B3GALT1: variants seen among roughly 807,000 people sequenced by gnomAD.
B3GALT1 encodes the protein UDP-Gal:betaGlcNAc beta 1,3-galactosyltransferase, polypeptide 1.
A neutral mutation model predicts 23.2 loss-of-function variants in B3GALT1; 10 were observed. The ratio of observed to expected loss-of-function variants is 0.43; its 90% CI spans 0.27 to 0.73. The LOEUF (loss-of-function observed/expected upper bound fraction) is 0.73. B3GALT1 is among the 30% of genes least tolerant of loss of function. The pLI is 0.21. For synonymous variants in B3GALT1, 156 were observed against 141.5 expected (o/e 1.10, Z -0.73); for missense variants, 299 against 405.4 (o/e 0.74, Z 2.25).
At chr2:167,789,936 T>C (rs758400395) in intron 3 of B3GALT1, among the ~76,000 whole-genome samples, 1 of 152,180 alleles carries the variant, frequency 6.6e-6, no homozygotes, top group Non-Finnish European at 1.5e-5. Flanking sequence ...CTTGTCCTTA[T>C]TCTTTTATTC....
At chr2:167,577,022 C>A (rs764780123) in intron 2 of B3GALT1, among the ~76,000 whole-genome samples, 17 of 151,744 alleles carry the variant, frequency 1.1e-4, no homozygotes, top group Non-Finnish European at 2.4e-4. Flanking sequence ...CTAGGACTTT[C>A]ATCACATCAT....
chr2:167,337,613 C>T (rs1249160570), intron 1 of B3GALT1, among the ~76,000 whole-genome samples: 1 of 151,876 alleles, frequency 6.6e-6, no homozygotes, highest in Non-Finnish European at 1.5e-5. Context: ...AAAGAATGCA[C>T]CTTTAGTTTC....
At chr2:167,811,150 TAATGA>T (rs1396786876) in intron 3 of B3GALT1, among the ~76,000 whole-genome samples, 2 of 152,230 alleles carry the variant, frequency 1.3e-5, no homozygotes, top group African/African-American at 2.4e-5. Flanking sequence ...CACCTAATTG[TAATGA>T]AAATTGTAAG....
At chr2:167,745,443 A>G (rs1459892687) in intron 3 of B3GALT1, among the ~76,000 whole-genome samples, 1 of 152,154 alleles carries the variant, frequency 6.6e-6, no homozygotes, top group African/African-American at 2.4e-5. Flanking sequence ...TTTTCCTTCT[A>G]TGAAGTATAT....
intron 1 of B3GALT1, among the ~76,000 whole-genome samples, chr2:167,448,754 A>G (rs1056394034): frequency 1.3e-5 from 2 of 152,112 alleles, no homozygotes; most frequent in Non-Finnish European, 2.9e-5. Flanking sequence ...TAAGTCCTTC[A>G]TTCATTTTGA....
intron 3 of B3GALT1, among the ~76,000 whole-genome samples, chr2:167,769,338 C>A (rs1688032246): frequency 1.3e-5 from 2 of 152,158 alleles, no homozygotes; most frequent in Non-Finnish European, 2.9e-5. Context: ...CAAAGCTAAC[C>A]AAGGAAGTCT....
chr2:167,558,122 G>C (rs939359213), intron 2 of B3GALT1: 1 of 152,088 alleles, frequency 6.6e-6, no homozygotes, highest in East Asian at 1.9e-4. Context: ...CATTGTTTTT[G>C]TCTTATCTCT....
intron 1 of B3GALT1, among the ~76,000 whole-genome samples, chr2:167,484,830 G>A (rs1442902794): frequency 6.6e-6 from 1 of 152,154 alleles, no homozygotes; most frequent in Non-Finnish European, 1.5e-5. Context: ...TCCCTCACAA[G>A]AGACAACTTT....
intron 1 of B3GALT1, among the ~76,000 whole-genome samples, chr2:167,460,702 A>G (rs1699246864): frequency 6.6e-6 from 1 of 151,946 alleles, no homozygotes; most frequent in Non-Finnish European, 1.5e-5. Context: ...GAACATTTGA[A>G]TCTAATAATG....
Position 167,486,024 on chromosome 2 carries a change from T to C in B3GALT1, c.-510-4153T>C, listed in dbSNP as rs1053926713. Among the ~76,000 whole-genome samples, 7 of 152,276 alleles carry C rather than the reference T, an allele frequency of 4.6e-5. No individual in the cohort carries two copies. The East Asian group carries it at 1.4e-3, about 29-fold the overall frequency. On this transcript the variant is annotated intron_variant, in intron 1 of 4. Coordinates refer to ENST00000392690, the MANE Select transcript of B3GALT1 (RefSeq NM_020981.4). ...TAGAATTCTGTACCACAATTATGTA[T>C]CTAATGGATTGAAATTTGAGAAAGT...
At chr2:167,568,331 C>T (rs570080370) in intron 2 of B3GALT1, among the ~76,000 whole-genome samples, 1 of 152,162 alleles carries the variant, frequency 6.6e-6, no homozygotes, top group Admixed American at 6.5e-5. Context: ...TTCCAAAGTA[C>T]CTATACCATT....
chr2:167,864,084 G>A (rs1370037884), intron 4 of B3GALT1, among the ~76,000 whole-genome samples: 3 of 151,824 alleles, frequency 2.0e-5, no homozygotes, highest in Non-Finnish European at 4.4e-5. Flanking sequence ...TTCTTTAACA[G>A]TTTCAGCTTC....
rs745689044 is a variant in B3GALT1, at chr2:167,668,437, A to G, written c.-352+21471A>G. Among the ~76,000 whole-genome samples, 73 of 152,282 alleles carry G rather than the reference A, an allele frequency of 4.8e-4. 2 individuals are homozygous for G. Among genetic ancestry groups the G allele is most frequent in the Non-Finnish European group, 7.6e-4 (52 of 68,024 alleles). On this transcript the variant is annotated intron_variant, in intron 3 of 4. Transcript: ENST00000392690. ...TGCCCTGCCCCCAGAGGTGGAGCCTACAGAGGCAGGCAGTCCTCCTTGAGC... is the reference window on the plus strand; with the variant it reads ...TGCCCTGCCCCCAGAGGTGGAGCCTGCAGAGGCAGGCAGTCCTCCTTGAGC...
intron 3 of B3GALT1, among the ~76,000 whole-genome samples, chr2:167,697,700 G>A (rs897563477): frequency 1.4e-4 from 22 of 152,158 alleles, no homozygotes; most frequent in African/African-American, 4.8e-4. Context: ...ATGGAAGTAG[G>A]TACTGATTGT....
rs1418159290 is a variant in B3GALT1, at chr2:167,840,400, T to A, written c.-230+21607T>A. ...AGACACTTCTCAAAAGAAGACATTT[T>A]TGCAGCCAAAAAACACATGAAAAAA... On this transcript the variant is annotated intron_variant, in intron 4 of 4. Coordinates refer to ENST00000392690, the MANE Select transcript of B3GALT1 (RefSeq NM_020981.4). 6.7e-3 allele frequency among the ~76,000 whole-genome samples: 1,017 copies of A among 151,910 alleles called. 11 individuals carry two copies. The highest frequency in any genetic ancestry group is 0.023 in the African/African-American group (956 of 41,314).
intron 1 of B3GALT1, among the ~76,000 whole-genome samples, chr2:167,342,972 T>A (rs1026805213): frequency 6.6e-6 from 1 of 152,154 alleles, no homozygotes; most frequent in Non-Finnish European, 1.5e-5. Context: ...ACATATCACC[T>A]CAAGGGGGCA....
intron 3 of B3GALT1, chr2:167,714,850 A>G: frequency 6.2e-7 from 1 of 1,608,548 alleles, no homozygotes; most frequent in Non-Finnish European, 8.5e-7. Flanking sequence ...CTATCTGGTA[A>G]TTTTCTTCTA....
intron 2 of B3GALT1, among the ~76,000 whole-genome samples, chr2:167,591,217 C>A (rs1684673187): frequency 6.6e-6 from 1 of 152,034 alleles, no homozygotes; most frequent in Non-Finnish European, 1.5e-5. Context: ...TTGGGAAAGT[C>A]TTACTGTAAA....
At chr2:167,422,298 CAA>C (rs1255565567) in intron 1 of B3GALT1, among the ~76,000 whole-genome samples, 1 of 151,848 alleles carries the variant, frequency 6.6e-6, no homozygotes, top group Non-Finnish European at 1.5e-5. Flanking sequence ...CAGCAGCCTG[CAA>C]GCCAAGAACA....
Sources: gnomAD v4.1 joint callset for allele counts (sites outside exome capture counted in the v4.1 genomes callset) on GRCh38, gnomAD v4.1.1 for gene constraint, MANE v1.5 for transcripts, NCBI Gene and HGNC (gene_info 2026-07-23, HGNC 2026-07-21) for gene names.